NXPE2: variants seen among roughly 807,000 people sequenced by gnomAD.
NXPE2 encodes NXPE family member 2.
A neutral mutation model predicts 34.4 loss-of-function variants in NXPE2; 34 were observed. The observed-to-expected ratio is 0.99, with a 90% confidence interval of 0.75 to 1.31. The LOEUF is 1.31. NXPE2 is among the 40% of genes most tolerant of loss of function. The pLI is 0.00. For synonymous variants in NXPE2, 235 were observed against 231.3 expected (o/e 1.02, Z -0.15); for missense variants, 649 against 672.5 (o/e 0.97, Z 0.39).
intron 2 of NXPE2, among the ~76,000 whole-genome samples, chr11:114,688,021 A>G (rs1220515037): frequency 6.6e-6 from 1 of 152,096 alleles, no homozygotes; most frequent in African/African-American, 2.4e-5. Flanking sequence ...TAGGTATAGA[A>G]TAATATCATC....
In NXPE2 at chr11:114,706,797, A is replaced by G; in HGVS notation, c.1547A>G (p.Asp516Gly). The change falls in exon 6 of 6, where the codon GAT becomes GGT. Residue 516 changes from aspartate to glycine, a missense_variant. Coordinates refer to ENST00000389586, the MANE Select transcript of NXPE2 (RefSeq NM_182495.6). ...TATATTCAGAATCTTATCATAAGAGATATTTTTGTGGATCTTAATGTGGGT... is the reference window on the plus strand; with the variant it reads ...TATATTCAGAATCTTATCATAAGAGGTATTTTTGTGGATCTTAATGTGGGT... ...HGYIQNLIIR[D>G]IFVDLNVGII... 1 of 1,552,368 alleles carries G rather than the reference A, an allele frequency of 6.4e-7. No homozygotes were observed. Among genetic ancestry groups the G allele is most frequent in the Non-Finnish European group, 8.7e-7 (1 of 1,147,068 alleles).
the NXPE2 span, among the ~76,000 whole-genome samples, chr11:114,738,616 TAA>T: frequency 2.0e-5 from 3 of 152,178 alleles, no homozygotes; most frequent in African/African-American, 7.2e-5. Context: ...AAAGGGAAAG[TAA>T]AAGTCTCTAA....
the NXPE2 span, among the ~76,000 whole-genome samples, chr11:114,632,773 TA>T: frequency 1.5e-3 from 1 of 656 alleles, no homozygotes; most frequent in Non-Finnish European, 3.4e-3. Flanking sequence ...ATTATATAAT[TA>T]TATATTATAT....
At chr11:114,637,233 C>G in the NXPE2 span, among the ~76,000 whole-genome samples, 3 of 151,776 alleles carry the variant, frequency 2.0e-5, no homozygotes, top group Non-Finnish European at 2.9e-5. Context: ...TTCTTTGTCT[C>G]TTTTGATCTT....
At chr11:114,748,151 T>C in the NXPE2 span, among the ~76,000 whole-genome samples, 1 of 152,252 alleles carries the variant, frequency 6.6e-6, no homozygotes, top group Non-Finnish European at 1.5e-5. Context: ...GTTTTTTCAT[T>C]TTCTTTCTTT....
chr11:114,469,909 G>A, the NXPE2 span, among the ~76,000 whole-genome samples: 7 of 152,084 alleles, frequency 4.6e-5, no homozygotes, highest in African/African-American at 1.4e-4. Context: ...AGATGAGTTT[G>A]CATCTTCTAG....
the NXPE2 span, chr11:114,522,959 CA>C: frequency 1.9e-6 from 3 of 1,613,486 alleles, no homozygotes; most frequent in Admixed American, 5.0e-5. Context: ...GCCTTTCAAA[CA>C]GCCATTTATC....
chr11:114,671,910 T>A, the NXPE2 span, among the ~76,000 whole-genome samples: 1 of 152,012 alleles, frequency 6.6e-6, no homozygotes. Context: ...TGAGACTGGG[T>A]AATTTATAAG....
chr11:114,663,546 CA>C, the NXPE2 span, among the ~76,000 whole-genome samples: 4 of 151,884 alleles, frequency 2.6e-5, no homozygotes, highest in African/African-American at 9.7e-5. Flanking sequence ...CAGGCCCCTT[CA>C]CCATCTCCTG....
the NXPE2 span, chr11:114,583,020 A>T: frequency 1.2e-6 from 2 of 1,602,662 alleles, no homozygotes; most frequent in Admixed American, 3.4e-5. Context: ...AGCAGACCAA[A>T]CCTGAAATGA....
the NXPE2 span, chr11:114,582,660 C>T: frequency 6.8e-6 from 11 of 1,614,052 alleles, no homozygotes; most frequent in African/African-American, 1.2e-4. Context: ...AGTCACCTTT[C>T]CTGAAGCACC....
At position 114,704,047 on chromosome 11, in the gene NXPE2, G is replaced by A; in HGVS notation, c.923G>A (p.Cys308Tyr). The A allele has an allele frequency of 6.5e-7, 1 of 1,549,820 alleles. No individual in the cohort carries two copies. The highest frequency in any genetic ancestry group is 8.7e-7 in the Non-Finnish European group (1 of 1,144,822). ...TTTACCCCCATTGAGGTCATACCAT[G>A]CAACAGTAAGTCTGGAGTGTTGTTG... The part of the protein sequence containing the change: ...KNFTPIEVIP[C>Y]NKSENIKKNC... Residue 308 changes from cysteine to tyrosine, a missense_variant, in exon 4 of 6, where the codon TGC becomes TAC. Transcript: ENST00000389586.
At chr11:114,518,601 G>A in the NXPE2 span, among the ~76,000 whole-genome samples, 2 of 152,178 alleles carry the variant, frequency 1.3e-5, no homozygotes, top group Admixed American at 6.5e-5. Flanking sequence ...ATAGAAGGGG[G>A]AATTGAGAAA....
At chr11:114,597,694 T>C in the NXPE2 span, among the ~76,000 whole-genome samples, 2 of 152,000 alleles carry the variant, frequency 1.3e-5, no homozygotes, top group African/African-American at 4.8e-5. Flanking sequence ...TCAGGGGATA[T>C]GAAATGAGCC....
chr11:114,701,378 C>A (rs1342483829), intron 3 of NXPE2, among the ~76,000 whole-genome samples: 1 of 152,122 alleles, frequency 6.6e-6, no homozygotes, highest in Non-Finnish European at 1.5e-5. Flanking sequence ...CTCAGGAAAT[C>A]CAAAGTCCCT....
At chr11:114,673,724 A>G (rs1353416615), upstream of NXPE2, among the ~76,000 whole-genome samples, 1 of 151,820 alleles carries the variant, frequency 6.6e-6, no homozygotes, top group African/African-American at 2.4e-5. Flanking sequence ...GAGTCATGCA[A>G]TACTGCTTTC....
chr11:114,761,061 C>T, the NXPE2 span, among the ~76,000 whole-genome samples: 1 of 152,104 alleles, frequency 6.6e-6, no homozygotes. Flanking sequence ...GTTAGGGACT[C>T]CTACGGTGCA....
At chr11:114,695,408 G>A (rs983151756) in intron 2 of NXPE2, among the ~76,000 whole-genome samples, 15 of 152,046 alleles carry the variant, frequency 9.9e-5, no homozygotes, top group Non-Finnish European at 1.6e-4. Context: ...CTATACCCAC[G>A]TCTATCCTTA....
chr11:114,495,535 A>G, the NXPE2 span, among the ~76,000 whole-genome samples: 10 of 151,764 alleles, frequency 6.6e-5, no homozygotes, highest in African/African-American at 1.2e-4. Flanking sequence ...CCCAAGCTGC[A>G]AAACAAAGTC....
Sources: allele counts gnomAD v4.1 joint callset (sites outside exome capture counted in the v4.1 genomes callset), GRCh38; gene constraint gnomAD v4.1.1; transcripts MANE v1.5; gene names NCBI Gene and HGNC (gene_info 2026-07-23, HGNC 2026-07-21).